CCN5: variants seen among roughly 807,000 people sequenced by gnomAD.
CCN5 encodes the protein cellular communication network factor 5.
CCN5 carries 17 observed loss-of-function variants against 18.7 expected under a neutral mutation model. That is an observed-to-expected ratio of 0.91 (90% CI 0.62 to 1.36). CCN5 has a LOEUF of 1.36. CCN5 is among the 40% of genes most tolerant of loss of function. The pLI, the probability that CCN5 is intolerant of heterozygous loss-of-function variation, is 0.00. For missense variants in CCN5, 367 were observed against 342.9 expected, an observed-to-expected ratio of 1.07 and a Z score of -0.56; for synonymous variants, 135 against 145.2, an observed-to-expected ratio of 0.93 and a Z score of 0.50.
rs2065922259 is a variant in CCN5 at position 44,724,649 on chromosome 20, T to C, written c.278-89T>C. On this transcript the variant is annotated intron_variant, in intron 2 of 3. Coordinates refer to ENST00000190983, the MANE Select transcript of CCN5 (RefSeq NM_003881.4). ...CAGGGCCCAGCTACTGTGAGGCAGC[T>C]GCCTCAGGCAGCGGGATCTGGGCAG... The C allele has an allele frequency of 2.6e-6, 4 of 1,568,322 alleles. No homozygotes were observed. In the Admixed American group the frequency reaches 6.1e-5, roughly 24 times the overall value.
At chr20:44,722,187 C>T (rs2065904331) in intron 2 of CCN5, among the ~76,000 whole-genome samples, 1 of 152,208 alleles carries the variant, frequency 6.6e-6, no homozygotes, top group African/African-American at 2.4e-5. Context: ...AAGAGTCCAG[C>T]TAAGACATCA....
chr20:44,725,193 G>A (rs1450660383), intron 3 of CCN5, among the ~76,000 whole-genome samples: 2 of 151,412 alleles, frequency 1.3e-5, no homozygotes, highest in African/African-American at 4.9e-5. Flanking sequence ...ATCCCAGTAC[G>A]TTGGGAGGCC....
chr20:44,719,660 A>G (rs766070983), intron 1 of CCN5, among the ~76,000 whole-genome samples: 1 of 152,220 alleles, frequency 6.6e-6, no homozygotes, highest in Non-Finnish European at 1.5e-5. Context: ...GACTCCAAAA[A>G]TAAAAATAAA....
chr20:44,719,569 G>A (rs1008074859), intron 1 of CCN5, among the ~76,000 whole-genome samples: 6 of 152,180 alleles, frequency 3.9e-5, no homozygotes, highest in Non-Finnish European at 8.8e-5. Context: ...CACGAGAGTC[G>A]CTTGAACCCA....
chr20:44,724,543 T>A lies in CCN5; in HGVS notation c.278-195T>A, dbSNP rs918245233. 5.1e-5 allele frequency: 40 copies of A among 776,936 alleles called. No homozygotes were observed. The African/African-American group carries it at 7.0e-4, about 13-fold the overall frequency. 48.1% of individuals were successfully genotyped at this position (776,936 alleles called of 1,614,324 possible). On this transcript the variant is annotated intron_variant, in intron 2 of 3. Transcript: ENST00000190983. ...TCAATCCAGGCCTGTCTTCTTGCAATCCCTGTGCCGGGATCCAGGGTGCCC... is the reference window on the plus strand; with the variant it reads ...TCAATCCAGGCCTGTCTTCTTGCAAACCCTGTGCCGGGATCCAGGGTGCCC...
At position 44,724,902 on chromosome 20, in the gene CCN5, C is replaced by T. The variant is rs556604694; in HGVS notation, c.442C>T (p.Pro148Ser). ...VRLPSWDCPH[P>S]RRVEVLGKCC... ...GCTGCCCAGCTGGGACTGCCCCCAC[C>T]CCAGGAGGGTCGAGGTCCTGGGCAA... The change falls in exon 3 of 4, where the codon CCC (proline) becomes TCC (serine). Residue 148 changes from proline (P) to serine (S), a missense_variant. Physicochemically the swap from Pro to Ser is moderately conservative, Grantham distance 74. Coordinates refer to ENST00000190983, the MANE Select transcript of CCN5 (RefSeq NM_003881.4). 1 of 1,594,082 alleles carries T rather than the reference C, an allele frequency of 6.3e-7. No individual in the cohort carries two copies. The highest frequency in any genetic ancestry group is 2.3e-5 in the East Asian group (1 of 44,234).
chr20:44,723,399 C>T (rs1250896527), intron 2 of CCN5, among the ~76,000 whole-genome samples: 1 of 151,544 alleles, frequency 6.6e-6, no homozygotes, highest in Non-Finnish European at 1.5e-5. Flanking sequence ...CTCATCTAAT[C>T]CCCCAGCAGC....
chr20:44,721,194 T>C (rs2065897142), intron 2 of CCN5: 1 of 152,034 alleles, frequency 6.6e-6, no homozygotes, highest in Non-Finnish European at 1.5e-5. Flanking sequence ...AATGAATTCA[T>C]CTGTAGGAAA....
At chr20:44,718,576 T>C (rs1168331732) in intron 1 of CCN5, among the ~76,000 whole-genome samples, 1 of 152,092 alleles carries the variant, frequency 6.6e-6, no homozygotes, top group African/African-American at 2.4e-5. Context: ...TTCTCTGATG[T>C]GGGTGGCGAG....
At chr20:44,715,045 T>C (rs920476239), upstream of CCN5, 37 of 272,172 alleles carry the variant, frequency 1.4e-4, no homozygotes, top group Admixed American at 1.4e-4. Context: ...CTGCAAGCTG[T>C]CACAGGCTCT....
rs1222087371 is a variant in CCN5 at position 44,720,174 on chromosome 20, T to C, written c.277+61T>C. 4 of 1,505,730 alleles carry C rather than the reference T, an allele frequency of 2.7e-6. No individual in the cohort carries two copies. In the South Asian group the frequency reaches 4.8e-5, roughly 18 times the overall value. The allele number at this position is 1,505,730 out of a possible 1,614,324, so 93.3% of individuals were successfully genotyped here. ...TGAGCGGGAGGTCAAGGCCGTGGTG[T>C]CCTGGATCAAAGTGCAGCCCTCCTC... On this transcript the variant is annotated intron_variant, in intron 2 of 3. Coordinates refer to ENST00000190983, the MANE Select transcript of CCN5 (RefSeq NM_003881.4).
At chr20:44,725,681 T>C (rs1042710655) in intron 3 of CCN5, among the ~76,000 whole-genome samples, 1 of 150,676 alleles carries the variant, frequency 6.6e-6, no homozygotes, top group Non-Finnish European at 1.5e-5. Context: ...TTATAATATA[T>C]TGATACATAT....
At chr20:44,715,282 T>A, upstream of CCN5, 1 of 751,832 alleles carries the variant, frequency 1.3e-6, no homozygotes, top group Non-Finnish European at 2.1e-6. Context: ...CGCGCGCGCG[T>A]GTGTACTCGT....
intron 2 of CCN5, 62 bp downstream of exon 2, chr20:44,720,175 C>T (rs2065889655): frequency 6.7e-7 from 1 of 1,503,402 alleles, no homozygotes; most frequent in Admixed American, 2.0e-5. Context: ...GCCGTGGTGT[C>T]CTGGATCAAA....
At chr20:44,720,171 G>T in intron 2 of CCN5, 58 bp downstream of exon 2, 4 of 1,512,134 alleles carry the variant, frequency 2.6e-6, no homozygotes, top group Non-Finnish European at 3.6e-6. Flanking sequence ...CAAGGCCGTG[G>T]TGTCCTGGAT....
chr20:44,720,284 C>A (rs772058824), intron 2 of CCN5, 171 bp downstream of exon 2: 33 of 694,850 alleles, frequency 4.7e-5, no homozygotes, highest in Non-Finnish European at 7.0e-5. Context: ...CCACTCCCTC[C>A]TCTCCCTTCT....
chr20:44,724,891 A>G lies in CCN5; in HGVS notation c.431A>G (p.Asp144Gly). 6.3e-7 allele frequency: 1 copy of G among 1,593,674 alleles called. No individual in the cohort carries two copies. Among genetic ancestry groups the G allele is most frequent in the Admixed American group, 1.8e-5 (1 of 56,280 alleles). ...CSEDVRLPSW[D>G]CPHPRRVEVL... ...GAGGATGTGCGGCTGCCCAGCTGGG[A>G]CTGCCCCCACCCCAGGAGGGTCGAG... is the stretch of plus-strand genomic sequence containing the variant. The change falls in exon 3 of 4, where the codon GAC (aspartate) becomes GGC (glycine). Residue 144 changes from aspartate (D) to glycine (G), a missense_variant. By Grantham distance (94) the Asp-to-Gly change is moderately conservative (BLOSUM62 -1). Coordinates refer to ENST00000190983, the MANE Select transcript of CCN5 (RefSeq NM_003881.4).
intron 1 of CCN5, 54 bp downstream of exon 1, chr20:44,715,504 G>T: frequency 5.2e-6 from 8 of 1,543,352 alleles, no homozygotes; most frequent in Non-Finnish European, 7.0e-6. Flanking sequence ...TGTGGAGGGG[G>T]TGGGGATGTA....
intron 1 of CCN5, among the ~76,000 whole-genome samples, chr20:44,719,425 C>T (rs924153570): frequency 3.3e-5 from 5 of 152,162 alleles, no homozygotes; most frequent in African/African-American, 4.8e-5. Flanking sequence ...GAGGCCGAGG[C>T]GGGCGGATTG....
Sources: gnomAD v4.1 joint callset for allele counts (sites outside exome capture counted in the v4.1 genomes callset) on GRCh38, gnomAD v4.1.1 for gene constraint, MANE v1.5 for transcripts, NCBI Gene and HGNC (gene_info 2026-07-23, HGNC 2026-07-21) for gene names.